CAND1: variants seen among roughly 807,000 people sequenced by gnomAD.
CAND1 encodes cullin associated and neddylation dissociated 1.
Under a neutral mutation model 108.5 loss-of-function variants are expected in CAND1, and 7 were observed. The ratio of observed to expected loss-of-function variants is 0.06; its 90% CI spans 0.04 to 0.12. The LOEUF is 0.12. Among genes scored for constraint, CAND1 ranks in the 10% least tolerant of loss-of-function variants. The probability of loss-of-function intolerance (pLI) is 1.00; values close to 1 mark genes in which losing one functional copy is unlikely to be tolerated. For missense variants in CAND1, 941 were observed against 1,448.7 expected (o/e 0.65, Z 5.69); for synonymous variants, 534 against 512.0 (o/e 1.04, Z -0.58).
rs2045003319 is a variant in CAND1, at chr12:67,315,874, A to G, written c.*3044A>G. ...GAGGAAGTATACAAAATCCTCAGCC[A>G]CTGAAAAATTCAGTTAACTTGTTTA... On this transcript the variant is annotated 3_prime_UTR_variant, in exon 15 of 15. Transcript: ENST00000545606. 1 of 152,188 alleles carries G rather than the reference A, an allele frequency of 6.6e-6. No homozygotes were observed. Among genetic ancestry groups the G allele is most frequent in the Non-Finnish European group, 1.5e-5 (1 of 68,020 alleles). 9.4% of individuals were successfully genotyped at this position (152,188 alleles called of 1,614,324 possible). A position where few individuals can be genotyped will look rare whatever the true frequency, so the allele number is the denominator to read the frequency against.
At position 67,297,614 on chromosome 12, in the gene CAND1, C is replaced by G; in HGVS notation, c.699C>G (p.Thr233=). ...ATGATTCTATGTCAACAACAAGAACCTACATACAATGTATTGCTGCTATTA... is the reference window on the plus strand; with the variant it reads ...ATGATTCTATGTCAACAACAAGAACGTACATACAATGTATTGCTGCTATTA... ...SKNDSMSTTR[T]YIQCIAAISR... is the part of the protein sequence containing the mutation. Residue 233 remains threonine (T), a synonymous_variant, in exon 5 of 15, where the codon ACC becomes ACG. Transcript: ENST00000545606. The G allele has an allele frequency of 6.2e-7, 1 of 1,613,932 alleles. No individual in the cohort carries two copies. Among genetic ancestry groups the G allele is most frequent in the Non-Finnish European group, 8.5e-7 (1 of 1,179,916 alleles).
chr12:67,319,604 T>A lies in CAND1; in HGVS notation c.*6774T>A, dbSNP rs982643541. ...GGTGCAGATACTGCTATTCCCCTCC[T>A]CCATACCATTGCTGATGGTTACTGA... On this transcript the variant is annotated 3_prime_UTR_variant, in exon 15 of 15. Transcript: ENST00000545606. 3.9e-5 allele frequency: 6 copies of A among 152,166 alleles called. No homozygotes were observed. Among genetic ancestry groups the A allele is most frequent in the African/African-American group, 1.4e-4 (6 of 41,428 alleles). The allele number at this position is 152,166 out of a possible 1,614,324, so 9.4% of individuals were successfully genotyped here.
At position 67,302,331 on chromosome 12, in the gene CAND1, G is replaced by T; in HGVS notation, c.1009G>T (p.Asp337Tyr). The part of the protein sequence containing the change: ...GGDDDDQGSD[D>Y]EYSDDDDMSW... ...TTAAAACTTACCCTTAGGGAGTGAT[G>T]ATGAATACAGTGATGATGATGACAT... Residue 337 changes from aspartate to tyrosine, a missense_variant, in exon 8 of 15, where the codon GAT becomes TAT. Coordinates refer to ENST00000545606, the MANE Select transcript of CAND1 (RefSeq NM_018448.5). 2 of 1,612,780 alleles carry T rather than the reference G, an allele frequency of 1.2e-6. No individual in the cohort carries two copies. The highest frequency in any genetic ancestry group is 1.1e-5 in the South Asian group (1 of 91,046).
In CAND1 at chr12:67,310,018, T is replaced by C; in HGVS notation, c.3143T>C (p.Val1048Ala). 1 of 1,612,482 alleles carries C rather than the reference T, an allele frequency of 6.2e-7. No homozygotes were observed. The highest frequency in any genetic ancestry group is 8.5e-7 in the Non-Finnish European group (1 of 1,178,768). ...TTAATAAGGGATCTATTGGATACTG[T>C]TCTTCCACATCTTTACAATGAAACA... ...PSLIRDLLDT[V>A]LPHLYNETKV... Residue 1048 changes from valine to alanine, a missense_variant, in exon 12 of 15, where the codon GTT becomes GCT. This residue lies in a region of CAND1 where 106 missense variants were observed against 182.0 expected (regional missense o/e 0.58). Transcript: ENST00000545606.
In CAND1 at chr12:67,269,661, C is replaced by A; in HGVS notation, c.-57C>A. 1 of 1,481,516 alleles carries A rather than the reference C, an allele frequency of 6.7e-7. No homozygotes were observed. Among genetic ancestry groups the A allele is most frequent in the Non-Finnish European group, 9.3e-7 (1 of 1,078,886 alleles). The allele number at this position is 1,481,516 out of a possible 1,614,324, so 91.8% of individuals were successfully genotyped here. ...GCTCCAGTGGCGGCGGCGGCGGCGGCAGCGGCAGCGGGCAGCAGCTCCAGC... is the reference window on the plus strand; with the variant it reads ...GCTCCAGTGGCGGCGGCGGCGGCGGAAGCGGCAGCGGGCAGCAGCTCCAGC... On this transcript the variant is annotated 5_prime_UTR_variant, in exon 1 of 15. Coordinates refer to ENST00000545606, the MANE Select transcript of CAND1 (RefSeq NM_018448.5).
At chr12:67,270,172 T>G (rs2044506214) in intron 1 of CAND1, 1 of 181,880 alleles carries the variant, frequency 5.5e-6, no homozygotes. Flanking sequence ...GCCTATTCGC[T>G]TGCCATCCTG....
intron 1 of CAND1, among the ~76,000 whole-genome samples, chr12:67,278,900 A>G (rs918542371): frequency 6.6e-6 from 1 of 152,206 alleles, no homozygotes; most frequent in Admixed American, 6.5e-5. Context: ...TCATACATGC[A>G]ATTTAAAAAG....
In CAND1 at chr12:67,297,741, T is replaced by C; in HGVS notation, c.749-7T>C. 6.3e-7 allele frequency: 1 copy of C among 1,593,630 alleles called. No individual in the cohort carries two copies. Among genetic ancestry groups the C allele is most frequent in the Non-Finnish European group, 8.6e-7 (1 of 1,169,406 alleles). ...ATGTTTTTAAAGAACCATTATGCTTTTCTTAGGTGAATACCTTGAGAAGAT... is the reference window on the plus strand; with the variant it reads ...ATGTTTTTAAAGAACCATTATGCTTCTCTTAGGTGAATACCTTGAGAAGAT... On this transcript the variant is annotated splice_polypyrimidine_tract_variant and splice_region_variant and intron_variant, in intron 5 of 14. Transcript: ENST00000545606.
In CAND1 at chr12:67,293,748, C is replaced by T. The variant is rs553548287; in HGVS notation, c.367+972C>T. ...AGCCTAGGGAACAAGAGTGAAACTC[C>T]GTGTCAAAAAAAAATAAAAAAACAA... On this transcript the variant is annotated intron_variant, in intron 3 of 14. Coordinates refer to ENST00000545606, the MANE Select transcript of CAND1 (RefSeq NM_018448.5). 1.3e-4 allele frequency among the ~76,000 whole-genome samples: 20 copies of T among 151,100 alleles called. No homozygotes were observed. The South Asian group carries it at 2.9e-3, about 22-fold the overall frequency.
intron 1 of CAND1, among the ~76,000 whole-genome samples, chr12:67,272,930 C>T (rs549617202): frequency 1.5e-3 from 233 of 152,192 alleles, no homozygotes; most frequent in Non-Finnish European, 2.3e-3. Context: ...CTTCTAACCT[C>T]GTGATCCACC....
Position 67,313,375 on chromosome 12 carries a change from A to G in CAND1, c.*545A>G, listed in dbSNP as rs1794356576. The G allele has an allele frequency of 6.6e-6, 1 of 152,636 alleles. No individual in the cohort carries two copies. The highest frequency in any genetic ancestry group is 6.5e-5 in the Admixed American group (1 of 15,278). The allele number at this position is 152,636 out of a possible 1,614,324, so 9.5% of individuals were successfully genotyped here. On this transcript the variant is annotated 3_prime_UTR_variant, in exon 15 of 15. Transcript: ENST00000545606. ...AATTTTTAAAAGATAATAAGGTATC[A>G]TTTTTAAGTATGAAAATTAACAATA...
chr12:67,286,135 C>T (rs773638006), intron 2 of CAND1, among the ~76,000 whole-genome samples: 86 of 151,978 alleles, frequency 5.7e-4, no homozygotes, highest in Non-Finnish European at 9.3e-4. Context: ...AGCCTCCTGA[C>T]TAGCTGGGAC....
At position 67,311,763 on chromosome 12, in the gene CAND1, G is replaced by T. The variant is rs779486090; in HGVS notation, c.3431G>T (p.Arg1144Leu). The change falls in exon 14 of 15, where the codon CGA (arginine) becomes CTA (leucine). Residue 1144 changes from arginine to leucine, a missense_variant. Around this residue, in one of 9 missense-constraint regions of CAND1, gnomAD observed 22 missense variants for 24.4 expected, o/e 0.90. Coordinates refer to ENST00000545606, the MANE Select transcript of CAND1 (RefSeq NM_018448.5). The part of the protein sequence containing the change: ...CPSAVLQRLD[R>L]LVEPLRATCT... ...AGTGCAGTACTGCAGAGGTTGGACC[G>T]ACTTGTTGAGCCATTACGTGCAACA... The T allele has an allele frequency of 3.1e-6, 5 of 1,611,046 alleles. No homozygotes were observed. Among genetic ancestry groups the T allele is most frequent in the African/African-American group, 1.3e-5 (1 of 74,816 alleles).
Position 67,271,432 on chromosome 12 carries a change from G to T in CAND1, c.68+1647G>T, listed in dbSNP as rs184640379. On this transcript the variant is annotated intron_variant, in intron 1 of 14. Transcript: ENST00000545606. ...GATTGTGGTCAATTTCAGTCTGAAGGTAGCACTTTATAATAATACAATTTT... is the reference window on the plus strand; with the variant it reads ...GATTGTGGTCAATTTCAGTCTGAAGTTAGCACTTTATAATAATACAATTTT... Among the ~76,000 whole-genome samples the T allele has an allele frequency of 2.3e-4, 35 of 152,282 alleles. No individual in the cohort carries two copies. In the East Asian group the frequency reaches 4.6e-3, roughly 20 times the overall value.
chr12:67,269,958 C>G (rs1040443401), intron 1 of CAND1, 173 bp downstream of exon 1: 1 of 560,230 alleles, frequency 1.8e-6, no homozygotes, highest in Non-Finnish European at 3.1e-6. Context: ...CTTTCCTCTC[C>G]CCTCTTGCAA....
chr12:67,312,915 T>A lies in CAND1; in HGVS notation c.*85T>A. 4.6e-6 allele frequency: 4 copies of A among 875,766 alleles called. No homozygotes were observed. Among genetic ancestry groups the A allele is most frequent in the Non-Finnish European group, 6.9e-6 (4 of 581,338 alleles). The allele number at this position is 875,766 out of a possible 1,614,324, so 54.2% of individuals were successfully genotyped here. A position where few individuals can be genotyped will look rare whatever the true frequency, so the allele number is the denominator to read the frequency against. ...TAATCATAAGACATGGAAAGAGAAG[T>A]GTCTAAAAGCTTCAAAATGTTCCAC... is the stretch of plus-strand genomic sequence containing the variant. On this transcript the variant is annotated 3_prime_UTR_variant, in exon 15 of 15. Coordinates refer to ENST00000545606, the MANE Select transcript of CAND1 (RefSeq NM_018448.5).
At chr12:67,281,266 G>A (rs1211243576) in intron 1 of CAND1, among the ~76,000 whole-genome samples, 1 of 151,830 alleles carries the variant, frequency 6.6e-6, no homozygotes, top group Non-Finnish European at 1.5e-5. Context: ...GGAGGCGGAG[G>A]TTGCGGTGAG....
At chr12:67,311,665 T>A in intron 13 of CAND1, 28 bp from the exon 14 acceptor site, 1 of 1,384,472 alleles carries the variant, frequency 7.2e-7, no homozygotes. Context: ...ATGTCAAATC[T>A]AAATTCTGTC....
chr12:67,308,053 G>A (rs1484877935), intron 11 of CAND1, among the ~76,000 whole-genome samples: 4 of 151,942 alleles, frequency 2.6e-5, no homozygotes, highest in African/African-American at 4.8e-5. Flanking sequence ...TAGCTTTTGG[G>A]ATTATTTCTG....
Sources: allele counts gnomAD v4.1 joint callset (sites outside exome capture counted in the v4.1 genomes callset), GRCh38; gene constraint gnomAD v4.1.1; regional missense constraint gnomAD v4.1.1; transcripts MANE v1.5; gene names NCBI Gene and HGNC (gene_info 2026-07-23, HGNC 2026-07-21).